PRR29: variants seen among roughly 807,000 people sequenced by gnomAD.
PRR29 encodes the protein proline-rich protein 29.
In PRR29, 20 loss-of-function variants were observed where a neutral mutation model predicts 25.1. That is an observed-to-expected ratio of 0.80 (90% CI 0.56 to 1.16). PRR29 has a LOEUF of 1.16. PRR29 is among the 50% of genes most tolerant of loss of function. PRR29 has a pLI of 0.00. For missense variants in PRR29, 238 were observed against 246.6 expected (o/e 0.97, Z 0.23); for synonymous variants, 108 against 102.6 (o/e 1.05, Z -0.32).
In PRR29 at chr17:64,001,131, G is replaced by C. The variant is rs772492871; in HGVS notation, c.291G>C (p.Glu97Asp). The C allele has an allele frequency of 8.5e-6, 13 of 1,537,550 alleles. No individual in the cohort carries two copies. The Middle Eastern group carries it at 6.7e-4, about 79-fold the overall frequency. ...AAGAGCCTGAGGAGGAGGAGGAGGA[G>C]ATGGACGTGCGGGAGAAAGGGCCTT... ...PQEEPEEEEE[E>D]MDVREKGPLV... is the part of the protein sequence containing the mutation. Residue 97 changes from glutamate to aspartate, a missense_variant, in exon 4 of 6, where the codon GAG becomes GAC. Transcript: ENST00000412177.
chr17:64,003,437 T>C lies in PRR29; in HGVS notation c.*1676T>C, dbSNP rs1910948536. On this transcript the variant is annotated 3_prime_UTR_variant, in exon 6 of 6. Coordinates refer to ENST00000412177, the MANE Select transcript of PRR29 (RefSeq NM_001164257.2). ...GGCTTGATGGTGGCCGAGGAACTAG[T>C]TGACCTCTCCCGACCTCTGGAGCAG... is the stretch of plus-strand genomic sequence containing the variant. 3.4e-6 allele frequency: 2 copies of C among 589,102 alleles called. No homozygotes were observed. Among genetic ancestry groups the C allele is most frequent in the South Asian group, 4.1e-5 (2 of 48,712 alleles). 36.5% of individuals were successfully genotyped at this position (589,102 alleles called of 1,614,324 possible).
Position 64,003,899 on chromosome 17 carries a change from T to C in PRR29, c.*2138T>C. 6.2e-7 allele frequency: 1 copy of C among 1,614,070 alleles called. No homozygotes were observed. ...TCCACGGTGGGCACCCTGCACTCAA[T>C]GGTGAAGGACTTGCCCACAGCCACC... is the stretch of plus-strand genomic sequence containing the variant. On this transcript the variant is annotated 3_prime_UTR_variant, in exon 6 of 6. Transcript: ENST00000412177.
chr17:64,003,345 G>A lies in PRR29; in HGVS notation c.*1584G>A. The A allele has an allele frequency of 4.2e-6, 2 of 474,958 alleles. No individual in the cohort carries two copies. Among genetic ancestry groups the A allele is most frequent in the South Asian group, 4.7e-5 (2 of 42,446 alleles). 29.4% of individuals were successfully genotyped at this position (474,958 alleles called of 1,614,324 possible). A position where few individuals can be genotyped will look rare whatever the true frequency, so the allele number is the denominator to read the frequency against. ...AGCAGAGCTCTGGGGACCTCAGTGG[G>A]GGCAGTCAGGCCAAACTTCTCATTG... On this transcript the variant is annotated 3_prime_UTR_variant, in exon 6 of 6. Coordinates refer to ENST00000412177, the MANE Select transcript of PRR29 (RefSeq NM_001164257.2).
rs994797845 is a variant in PRR29 at position 64,001,084 on chromosome 17, G to A, written c.244G>A (p.Val82Ile). The change falls in exon 4 of 6, where the codon GTC (valine) becomes ATC (isoleucine). Residue 82 changes from valine to isoleucine, a missense_variant and splice_region_variant. Val to Ile is a conservative substitution (Grantham distance 29). Transcript: ENST00000412177. ...CCTCCCTGTTTTGCACAATCCCCAG[G>A]TCTACCTGGAGGTTCCACAGGAAGA... The part of the protein sequence containing the change: ...QPRPASPCPQ[V>I]YLEVPQEEPE... 2 of 1,537,054 alleles carry A rather than the reference G, an allele frequency of 1.3e-6. No individual in the cohort carries two copies. The highest frequency in any genetic ancestry group is 3.9e-5 in the Admixed American group (2 of 50,976).
Position 64,003,591 on chromosome 17 carries a change from A to AG in PRR29, c.*1834dup, listed in dbSNP as rs34078085. 1 of 1,532,502 alleles carries AG rather than the reference A, an allele frequency of 6.5e-7. No individual in the cohort carries two copies. Among genetic ancestry groups the AG allele is most frequent in the African/African-American group, 1.4e-5 (1 of 73,218 alleles). 94.9% of individuals were successfully genotyped at this position (1,532,502 alleles called of 1,614,324 possible). A position where few individuals can be genotyped will look rare whatever the true frequency, so the allele number is the denominator to read the frequency against. ...GGGACTCAAGATTTTTCTTCCCCCG[A>AG]GGGGCTGAAAGTGACTTATCACTCC... On this transcript the variant is annotated 3_prime_UTR_variant, in exon 6 of 6. Coordinates refer to ENST00000412177, the MANE Select transcript of PRR29 (RefSeq NM_001164257.2).
intron 1 of PRR29, 73 bp from the exon 2 acceptor site, chr17:63,998,634 G>A (rs200932406): frequency 3.2e-5 from 34 of 1,052,382 alleles, no homozygotes; most frequent in African/African-American, 1.6e-4. Flanking sequence ...CACTGGCCGG[G>A]GGGGTTGGGG....
chr17:64,001,732 GACT>G lies in PRR29; in HGVS notation c.546_548del (p.Tyr183del). On this transcript the variant is annotated inframe_deletion and splice_region_variant, in exon 6 of 6. Transcript: ENST00000412177. Reference sequence around the variant, plus strand: ...TCAAGATGAGGTTCTTGTTTCCCCAGACTACTATGATGCCGAGAGCCTCCTATG... The same window carrying G: ...TCAAGATGAGGTTCTTGTTTCCCCAGACTATGATGCCGAGAGCCTCCTATG... 6.5e-7 allele frequency: 1 copy of G among 1,537,004 alleles called. No individual in the cohort carries two copies.
At position 63,998,354 on chromosome 17, in the gene PRR29, C is replaced by G. The variant is rs559319938; in HGVS notation, c.-11C>G. 2.6e-6 allele frequency: 4 copies of G among 1,531,564 alleles called. No homozygotes were observed. The South Asian group carries it at 4.8e-5, about 18-fold the overall frequency. The allele number at this position is 1,531,564 out of a possible 1,614,324, so 94.9% of individuals were successfully genotyped here. A position where few individuals can be genotyped will look rare whatever the true frequency, so the allele number is the denominator to read the frequency against. On this transcript the variant is annotated 5_prime_UTR_variant, in exon 1 of 6. Coordinates refer to ENST00000412177, the MANE Select transcript of PRR29 (RefSeq NM_001164257.2). The stretch of plus-strand genomic sequence containing the variant: ...GCGTCCTCGGCGTCGCCAAGGCAAC[C>G]GGCGCCAGCCATGGCCTCTGGGGCG...
In PRR29 at chr17:63,998,378, C is replaced by A. The variant is rs984289845; in HGVS notation, c.14C>A (p.Ala5Glu). 59 of 1,525,152 alleles carry A rather than the reference C, an allele frequency of 3.9e-5. No homozygotes were observed. Among genetic ancestry groups the A allele is most frequent in the South Asian group, 1.1e-4 (9 of 83,024 alleles). 94.5% of individuals were successfully genotyped at this position (1,525,152 alleles called of 1,614,324 possible). A position where few individuals can be genotyped will look rare whatever the true frequency, so the allele number is the denominator to read the frequency against. MASG[A>E]GGSWGRSPPQ... ...CCGGCGCCAGCCATGGCCTCTGGGGCGGGCGGAAGCTGGGGTCGCTCCCCA... is the reference window on the plus strand; with the variant it reads ...CCGGCGCCAGCCATGGCCTCTGGGGAGGGCGGAAGCTGGGGTCGCTCCCCA... Residue 5 changes from alanine (A) to glutamate (E), a missense_variant, in exon 1 of 6, where the codon GCG (alanine) becomes GAG (glutamate). Transcript: ENST00000412177.
chr17:63,998,653 G>A, intron 1 of PRR29, 54 bp from the exon 2 acceptor site: 1 of 1,089,136 alleles, frequency 9.2e-7, no homozygotes, highest in South Asian at 1.4e-5. Context: ...GGCTCGCGAC[G>A]TGTCCCCATC....
In PRR29 at chr17:64,002,516, T is replaced by C. The variant is rs1480935390; in HGVS notation, c.*755T>C. The stretch of plus-strand genomic sequence containing the variant: ...GAAGGAGAGGGTGGGGAGGGAGGCA[T>C]CTAGGGAGAGGGGTCCCCCATGGTG... On this transcript the variant is annotated 3_prime_UTR_variant, in exon 6 of 6. Coordinates refer to ENST00000412177, the MANE Select transcript of PRR29 (RefSeq NM_001164257.2). 1.9e-6 allele frequency: 1 copy of C among 526,526 alleles called. No individual in the cohort carries two copies. Among genetic ancestry groups the C allele is most frequent in the Non-Finnish European group, 3.4e-6 (1 of 294,790 alleles). 32.6% of individuals were successfully genotyped at this position (526,526 alleles called of 1,614,324 possible).
Position 64,001,140 on chromosome 17 carries a change from G to C in PRR29, c.300G>C (p.Val100=). ...EPEEEEEEMD[V]REKGPLVFHH... The stretch of plus-strand genomic sequence containing the variant: ...AGGAGGAGGAGGAGGAGATGGACGT[G>C]CGGGAGAAAGGGCCTTTGGTGTTTC... Residue 100 remains valine (V), a synonymous_variant, in exon 4 of 6, where the codon GTG becomes GTC. Coordinates refer to ENST00000412177, the MANE Select transcript of PRR29 (RefSeq NM_001164257.2). The C allele has an allele frequency of 1.3e-6, 2 of 1,537,538 alleles. No homozygotes were observed. The highest frequency in any genetic ancestry group is 1.7e-6 in the Non-Finnish European group (2 of 1,146,994).
chr17:64,000,665 T>TC (rs1567840161), intron 3 of PRR29, among the ~76,000 whole-genome samples: 2 of 150,628 alleles, frequency 1.3e-5, no homozygotes, highest in African/African-American at 2.4e-5. Context: ...TCCTTTTTTT[T>TC]CTTTTGAGAT....
At position 63,998,797 on chromosome 17, in the gene PRR29, T is replaced by TGGGCCCCCCCC; in HGVS notation, c.136+15_136+16insGGGCCCCCCCC. On this transcript the variant is annotated intron_variant, in intron 2 of 5. Transcript: ENST00000412177. ...CGTGAAGGAAGGTGAGACTCCCGGG[T>TGGGCCCCCCCC]CCCCCCACCCCACCCCCACCATCAC... is the stretch of plus-strand genomic sequence containing the variant. The TGGGCCCCCCCC allele has an allele frequency of 9.4e-7, 1 of 1,062,604 alleles. No homozygotes were observed. Among genetic ancestry groups the TGGGCCCCCCCC allele is most frequent in the Non-Finnish European group, 1.3e-6 (1 of 761,704 alleles). 65.8% of individuals were successfully genotyped at this position (1,062,604 alleles called of 1,614,324 possible).
chr17:64,003,405 G>C lies in PRR29; in HGVS notation c.*1644G>C, dbSNP rs1368364095. On this transcript the variant is annotated 3_prime_UTR_variant, in exon 6 of 6. Coordinates refer to ENST00000412177, the MANE Select transcript of PRR29 (RefSeq NM_001164257.2). ...GCCAAGGCCAGGGAGAGCCGTCAAG[G>C]TCATGGGGCTTGATGGTGGCCGAGG... 8 of 559,720 alleles carry C rather than the reference G, an allele frequency of 1.4e-5. No homozygotes were observed. The highest frequency in any genetic ancestry group is 2.6e-5 in the Non-Finnish European group (8 of 313,580). 34.7% of individuals were successfully genotyped at this position (559,720 alleles called of 1,614,324 possible).
Position 64,003,735 on chromosome 17 carries a change from G to A in PRR29, c.*1974G>A, listed in dbSNP as rs1910985115. On this transcript the variant is annotated 3_prime_UTR_variant, in exon 6 of 6. Coordinates refer to ENST00000412177, the MANE Select transcript of PRR29 (RefSeq NM_001164257.2). The stretch of plus-strand genomic sequence containing the variant: ...CCAGCACAGCCAGGCAGGAGAAGTT[G>A]CGGTGGCCATCCTCTCTGTCAGCCG... 1 of 1,614,196 alleles carries A rather than the reference G, an allele frequency of 6.2e-7. No homozygotes were observed. Among genetic ancestry groups the A allele is most frequent in the Non-Finnish European group, 8.5e-7 (1 of 1,180,048 alleles).
At position 64,001,320 on chromosome 17, in the gene PRR29, G is replaced by A. The variant is rs1237177559; in HGVS notation, c.470+10G>A. 7.8e-6 allele frequency: 12 copies of A among 1,532,234 alleles called. No individual in the cohort carries two copies. The Admixed American group carries it at 1.8e-4, about 23-fold the overall frequency. 94.9% of individuals were successfully genotyped at this position (1,532,234 alleles called of 1,614,324 possible). On this transcript the variant is annotated intron_variant, in intron 4 of 5. Coordinates refer to ENST00000412177, the MANE Select transcript of PRR29 (RefSeq NM_001164257.2). ...CCAGGGAAAGGGAGGTGTAAGTGAG[G>A]CTGGGTGCTGCCAGGGTTCTGCTCT...
chr17:63,998,834 C>G (rs534968131), intron 2 of PRR29, 52 bp downstream of exon 2: 1 of 1,153,618 alleles, frequency 8.7e-7, no homozygotes, highest in South Asian at 1.3e-5. Flanking sequence ...ACCACTCACC[C>G]TCTTCTGCCT....
chr17:63,998,900 G>T (rs1420061661), intron 2 of PRR29, 68 bp from the exon 3 acceptor site: 2 of 1,293,452 alleles, frequency 1.5e-6, no homozygotes, highest in Admixed American at 2.3e-5. Flanking sequence ...CTTCACCCCC[G>T]GGACAGGGGT....
Sources: allele counts gnomAD v4.1 joint callset (sites outside exome capture counted in the v4.1 genomes callset), GRCh38; gene constraint gnomAD v4.1.1; transcripts MANE v1.5; gene names NCBI Gene and HGNC (gene_info 2026-07-23, HGNC 2026-07-21).